NDUFAF2: variants seen among roughly 807,000 people sequenced by gnomAD.
NDUFAF2 encodes the protein NADH dehydrogenase [ubiquinone] 1 alpha subcomplex assembly factor 2.
A neutral mutation model predicts 22.8 loss-of-function variants in NDUFAF2; 13 were observed. That is an observed-to-expected ratio of 0.57 (90% confidence interval 0.37 to 0.91). NDUFAF2 has a LOEUF of 0.91. Ranked by LOEUF, NDUFAF2 falls within the 40% of genes least tolerant of loss-of-function variation. NDUFAF2 has a pLI of 0.01. For synonymous variants in NDUFAF2, 53 were observed against 64.2 expected (o/e 0.83, Z 0.84); for missense variants, 162 against 195.2 (o/e 0.83, Z 1.01).
chr5:61,043,679 ATGTGTG>A (rs373302097), intron 1 of NDUFAF2, among the ~76,000 whole-genome samples: 19 of 149,220 alleles, frequency 1.3e-4, no homozygotes, highest in African/African-American at 4.2e-4. Flanking sequence ...AGCTGTATAT[ATGTGTG>A]TGTGTGTGTG....
chr5:61,150,281 A>C (rs1341150963), intron 3 of NDUFAF2, among the ~76,000 whole-genome samples: 4 of 152,054 alleles, frequency 2.6e-5, no homozygotes, highest in Non-Finnish European at 5.9e-5. Flanking sequence ...TAAATGATTT[A>C]TGTTCTGTTT....
rs550373310 is a variant in NDUFAF2 at position 61,106,478 on chromosome 5, G to A, written c.258+7446G>A. ...ATATTTTGATACGTGCATACAATGC[G>A]TAATAATCACATCAAGGTAAATGGG... is the stretch of plus-strand genomic sequence containing the variant. On this transcript the variant is annotated intron_variant, in intron 3 of 3. Transcript: ENST00000296597. Among the ~76,000 whole-genome samples, 38 of 151,418 alleles carry A rather than the reference G, an allele frequency of 2.5e-4. No homozygotes were observed. The South Asian group carries it at 2.7e-3, about 11-fold the overall frequency.
chr5:61,072,813 G>T (rs1752316496), intron 1 of NDUFAF2, among the ~76,000 whole-genome samples: 1 of 152,102 alleles, frequency 6.6e-6, no homozygotes, highest in South Asian at 2.1e-4. Flanking sequence ...TGTTGCCCAG[G>T]TTGATCTTGA....
chr5:61,030,056 G>A (rs1276461031), intron 1 of NDUFAF2, among the ~76,000 whole-genome samples: 1 of 152,092 alleles, frequency 6.6e-6, no homozygotes. Context: ...TTCAGCCCTG[G>A]TTGATAGAGA....
chr5:60,945,404 CGATTGCGTGGTCAGT>C (rs1289839311), intron 1 of NDUFAF2, 22 bp downstream of exon 1: 1 of 1,614,152 alleles, frequency 6.2e-7, no homozygotes, highest in South Asian at 1.1e-5. Flanking sequence ...GCGTGGGCAG[CGATTGCGTGGTCAGT>C]GATTGCGAGG....
intron 3 of NDUFAF2, among the ~76,000 whole-genome samples, chr5:61,152,427 C>T (rs1279317542): frequency 6.6e-6 from 1 of 152,040 alleles, no homozygotes; most frequent in Non-Finnish European, 1.5e-5. Flanking sequence ...TAATATTTCA[C>T]ATTTGTTTGT....
intron 1 of NDUFAF2, among the ~76,000 whole-genome samples, chr5:60,952,720 T>C (rs1750564615): frequency 2.0e-5 from 3 of 152,152 alleles, no homozygotes; most frequent in African/African-American, 7.2e-5. Context: ...GATAGAGTTG[T>C]TCAAGCTTTG....
intron 3 of NDUFAF2, among the ~76,000 whole-genome samples, chr5:61,109,416 C>T: frequency 6.6e-6 from 1 of 152,164 alleles, no homozygotes; most frequent in East Asian, 1.9e-4. Flanking sequence ...TTGACTTCTT[C>T]CTTTTCAATT....
At chr5:60,992,966 GT>G (rs1331804597) in intron 1 of NDUFAF2, among the ~76,000 whole-genome samples, 1 of 152,200 alleles carries the variant, frequency 6.6e-6, no homozygotes, top group Non-Finnish European at 1.5e-5. Context: ...CTTTGCCTGA[GT>G]TTTTCTTGGG....
chr5:61,146,973 C>CCGAA (rs1375389189), intron 3 of NDUFAF2, among the ~76,000 whole-genome samples: 2 of 152,010 alleles, frequency 1.3e-5, no homozygotes, highest in Non-Finnish European at 2.9e-5. Flanking sequence ...TATAACAGTT[C>CCGAA]CCATTTCTTT....
intron 1 of NDUFAF2, among the ~76,000 whole-genome samples, chr5:61,020,204 C>G (rs76851396): frequency 0.013 from 1,965 of 152,148 alleles, 50 homozygotes; most frequent in African/African-American, 0.045. Context: ...TAATTATTTT[C>G]AAAGAACTAG....
At chr5:60,948,850 A>G (rs1750502344) in intron 1 of NDUFAF2, among the ~76,000 whole-genome samples, 1 of 152,124 alleles carries the variant, frequency 6.6e-6, no homozygotes, top group Admixed American at 6.5e-5. Context: ...TGTTAGGTGT[A>G]TGTTTAACTT....
intron 1 of NDUFAF2, among the ~76,000 whole-genome samples, chr5:61,036,030 G>A (rs1349512071): frequency 6.6e-6 from 1 of 152,162 alleles, no homozygotes; most frequent in African/African-American, 2.4e-5. Flanking sequence ...TAATCGAGTA[G>A]ATCTCATTTA....
chr5:61,086,060 A>G lies in NDUFAF2; in HGVS notation c.217+12846A>G, dbSNP rs368895086. Among the ~76,000 whole-genome samples the G allele has an allele frequency of 2.6e-5, 4 of 152,122 alleles. No homozygotes were observed. The East Asian group carries it at 7.7e-4, about 29-fold the overall frequency. Reference sequence around the variant, plus strand: ...CTTGAGCCCAGAAGTTTGAGGTTATAGTGAGCTGCAATCATTCCACAGCTC... The same window carrying G: ...CTTGAGCCCAGAAGTTTGAGGTTATGGTGAGCTGCAATCATTCCACAGCTC... On this transcript the variant is annotated intron_variant, in intron 2 of 3. Coordinates refer to ENST00000296597, the MANE Select transcript of NDUFAF2 (RefSeq NM_174889.5).
intron 2 of NDUFAF2, among the ~76,000 whole-genome samples, chr5:61,095,165 G>A (rs928851122): frequency 6.6e-6 from 1 of 152,190 alleles, no homozygotes; most frequent in East Asian, 1.9e-4. Flanking sequence ...ACATGGGCAG[G>A]GTGGCTGGAG....
At chr5:61,021,410 T>C (rs1056775330) in intron 1 of NDUFAF2, among the ~76,000 whole-genome samples, 21 of 152,160 alleles carry the variant, frequency 1.4e-4, no homozygotes, top group African/African-American at 5.1e-4. Context: ...CTCTGACCCT[T>C]CTATCTCCTT....
chr5:61,040,503 C>G (rs1332748010), intron 1 of NDUFAF2, among the ~76,000 whole-genome samples: 1 of 152,008 alleles, frequency 6.6e-6, no homozygotes, highest in Admixed American at 6.6e-5. Context: ...GTTATGGCAG[C>G]CCTAGGAAAC....
chr5:61,034,541 G>C (rs145537380), intron 1 of NDUFAF2, among the ~76,000 whole-genome samples: 1 of 152,134 alleles, frequency 6.6e-6, no homozygotes, highest in Admixed American at 6.5e-5. Context: ...CAAAATGTTG[G>C]TGTGTGGTTC....
intron 1 of NDUFAF2, among the ~76,000 whole-genome samples, chr5:60,984,931 C>T (rs1199599423): frequency 6.6e-6 from 1 of 152,148 alleles, no homozygotes; most frequent in Non-Finnish European, 1.5e-5. Context: ...GGAGGATTCC[C>T]TCATTTTCTA....
Sources: gnomAD v4.1 joint callset for allele counts (sites outside exome capture counted in the v4.1 genomes callset) on GRCh38, gnomAD v4.1.1 for gene constraint, MANE v1.5 for transcripts, NCBI Gene and HGNC (gene_info 2026-07-23, HGNC 2026-07-21) for gene names.